KIAA1586: variants seen among roughly 807,000 people sequenced by gnomAD.
KIAA1586 encodes KIAA1586, also known as E3 SUMO-protein ligase KIAA1586.
Under a neutral mutation model 6.1 loss-of-function variants are expected in KIAA1586, and 5 were observed. The observed-to-expected ratio is 0.82, with a 90% CI of 0.43 to 1.73. The LOEUF (loss-of-function observed/expected upper bound fraction) is 1.73, where lower values mean the gene tolerates loss of function less well. KIAA1586 is among the 40% of genes most tolerant of loss of function. The pLI is 0.02. For synonymous variants in KIAA1586, 280 were observed against 301.7 expected (o/e 0.93, Z 0.75); for missense variants, 899 against 878.2 (o/e 1.02, Z -0.30).
chr6:57,055,279 G>A (rs1042613109), downstream of KIAA1586: 2 of 149,002 alleles, frequency 1.3e-5, no homozygotes, highest in Non-Finnish European at 3.0e-5. Context: ...TAGTATGGTA[G>A]CCACTAGCTA....
the KIAA1586 span, among the ~76,000 whole-genome samples, chr6:57,061,824 C>A: frequency 6.6e-6 from 1 of 151,892 alleles, no homozygotes. Flanking sequence ...TAATTACAAT[C>A]TTCGCAATAT....
At chr6:57,056,356 G>T (rs957620965), downstream of KIAA1586, among the ~76,000 whole-genome samples, 27 of 151,912 alleles carry the variant, frequency 1.8e-4, no homozygotes, top group Admixed American at 7.2e-4. Flanking sequence ...ACAGGTGTCT[G>T]CCACCATGCC....
At chr6:57,066,150 ATAC>A in the KIAA1586 span, among the ~76,000 whole-genome samples, 2 of 151,294 alleles carry the variant, frequency 1.3e-5, no homozygotes, top group African/African-American at 2.4e-5. Context: ...ATGGTGGTGC[ATAC>A]CTGTAATCCC....
the KIAA1586 span, among the ~76,000 whole-genome samples, chr6:57,060,981 C>A: frequency 7.2e-6 from 1 of 138,324 alleles, no homozygotes; most frequent in Middle Eastern, 3.6e-3. Flanking sequence ...TATGTTCCGC[C>A]TTTTTTTTTT....
At chr6:57,061,344 A>G in the KIAA1586 span, among the ~76,000 whole-genome samples, 12 of 152,144 alleles carry the variant, frequency 7.9e-5, no homozygotes, top group East Asian at 5.8e-4. Flanking sequence ...TAATTTACCT[A>G]TCTTTCAACA....
chr6:57,054,076 TTGCTTTAA>T lies in KIAA1586; in HGVS notation c.1580_1587del (p.Ala527AspfsTer2). 6.2e-7 allele frequency: 1 copy of T among 1,611,142 alleles called. No homozygotes were observed. The highest frequency in any genetic ancestry group is 8.5e-7 in the Non-Finnish European group (1 of 1,178,708). On this transcript the variant is annotated frameshift_variant, in exon 4 of 4. Coordinates refer to ENST00000370733, the MANE Select transcript of KIAA1586 (RefSeq NM_020931.4). LOFTEE classifies it low-confidence loss of function (END_TRUNC). ...GCTAACATTAATTTCTTACAAGACC[TTGCTTTAA>T]TGATTGACATTCTTGAAGAATTTTC... is the stretch of plus-strand genomic sequence containing the variant.
rs372682459 is a variant in KIAA1586 at position 57,053,739 on chromosome 6, A to G, written c.1240A>G (p.Ile414Val). 4 of 1,610,290 alleles carry G rather than the reference A, an allele frequency of 2.5e-6. No individual in the cohort carries two copies. Among genetic ancestry groups the G allele is most frequent in the Middle Eastern group, 3.3e-4 (2 of 6,064 alleles). ...TKLLENFPEI[I>V]IWNCLNHRLQ... The stretch of plus-strand genomic sequence containing the variant: ...ATTGTTAGAAAATTTTCCTGAAATC[A>G]TCATTTGGAACTGTTTAAATCATCG... The change falls in exon 4 of 4, where the codon ATC becomes GTC. Residue 414 changes from isoleucine (I) to valine (V), a missense_variant. Ile to Val is a conservative substitution (Grantham distance 29, BLOSUM62 3). Coordinates refer to ENST00000370733, the MANE Select transcript of KIAA1586 (RefSeq NM_020931.4).
the KIAA1586 span, among the ~76,000 whole-genome samples, chr6:57,062,490 C>T: frequency 6.6e-6 from 1 of 152,138 alleles, no homozygotes; most frequent in African/African-American, 2.4e-5. Flanking sequence ...GATTTCAGAG[C>T]ATTTCAATTT....
chr6:57,050,702 C>A, intron 2 of KIAA1586, 72 bp from the exon 3 acceptor site: 2 of 1,035,040 alleles, frequency 1.9e-6, no homozygotes, highest in South Asian at 1.4e-5. Context: ...AAAAATCTCC[C>A]ACTGATTGTT....
Position 57,054,211 on chromosome 6 carries a change from C to A in KIAA1586, c.1712C>A (p.Thr571Asn). 1.9e-6 allele frequency: 3 copies of A among 1,593,634 alleles called. No individual in the cohort carries two copies. The highest frequency in any genetic ancestry group is 2.6e-6 in the Non-Finnish European group (3 of 1,173,246). Residue 571 changes from threonine (T) to asparagine (N), a missense_variant, in exon 4 of 4, where the codon ACT becomes AAT. Coordinates refer to ENST00000370733, the MANE Select transcript of KIAA1586 (RefSeq NM_020931.4). The part of the protein sequence containing the change: ...IRALENLKIG[T>N]GKYESQIEDL... ...GCTTTGGAAAATTTAAAAATTGGTA[C>A]TGGAAAGTATGAATCTCAAATTGAA...
chr6:57,054,415 G>A lies in KIAA1586; in HGVS notation c.1916G>A (p.Trp639Ter). The A allele has an allele frequency of 1.2e-6, 2 of 1,609,806 alleles. No individual in the cohort carries two copies. The highest frequency in any genetic ancestry group is 2.2e-5 in the East Asian group (1 of 44,796). Residue 639 changes from tryptophan (W) to a stop codon, truncating the protein, a stop_gained, in exon 4 of 4, where the codon TGG becomes TAG. Coordinates refer to ENST00000370733, the MANE Select transcript of KIAA1586 (RefSeq NM_020931.4). LOFTEE classifies it low-confidence loss of function (END_TRUNC). ...TTTGATTTGCTGGAACCTTCCACAT[G>A]GCCTTATGAAGAAATAACTTCACCA... The part of the protein sequence containing the change: ...NYFDLLEPST[W>*]PYEEITSPWI...
At chr6:57,062,499 T>A in the KIAA1586 span, among the ~76,000 whole-genome samples, 8 of 152,194 alleles carry the variant, frequency 5.3e-5, no homozygotes, top group Admixed American at 5.2e-4. Flanking sequence ...GCATTTCAAT[T>A]TTCTGTGGAG....
chr6:57,058,206 A>C (rs915897597), downstream of KIAA1586, among the ~76,000 whole-genome samples: 1 of 152,220 alleles, frequency 6.6e-6, no homozygotes, highest in Non-Finnish European at 1.5e-5. Flanking sequence ...GTTAAAAAAA[A>C]TTAGATTTCA....
chr6:57,056,629 T>A (rs1828502776), downstream of KIAA1586, among the ~76,000 whole-genome samples: 1 of 151,176 alleles, frequency 6.6e-6, no homozygotes. Context: ...CTCTTCCTCC[T>A]GGGCCCAAGC....
chr6:57,064,726 A>G, the KIAA1586 span, among the ~76,000 whole-genome samples: 6 of 152,202 alleles, frequency 3.9e-5, no homozygotes, highest in African/African-American at 1.2e-4. Flanking sequence ...ATTTATTGTC[A>G]TAGAGACCAC....
chr6:57,055,539 A>G (rs759829512), downstream of KIAA1586, among the ~76,000 whole-genome samples: 81 of 152,118 alleles, frequency 5.3e-4, no homozygotes, highest in Non-Finnish European at 9.0e-4. Flanking sequence ...GATGGATTCA[A>G]TGCAAGTTAT....
At chr6:57,050,386 T>C (rs1206653749) in intron 2 of KIAA1586, among the ~76,000 whole-genome samples, 1 of 151,928 alleles carries the variant, frequency 6.6e-6, no homozygotes, top group Non-Finnish European at 1.5e-5. Context: ...GGCATAATTA[T>C]AGCTCACTGT....
At chr6:57,055,799 T>C (rs959162257), downstream of KIAA1586, among the ~76,000 whole-genome samples, 2 of 152,130 alleles carry the variant, frequency 1.3e-5, no homozygotes, top group Non-Finnish European at 1.5e-5. Context: ...TCAAAGAAGG[T>C]ATGTTGCAGA....
At chr6:57,061,201 C>G in the KIAA1586 span, among the ~76,000 whole-genome samples, 2 of 151,792 alleles carry the variant, frequency 1.3e-5, no homozygotes, top group Non-Finnish European at 2.9e-5. Context: ...TGGTCTCAAT[C>G]TCCTGACCTC....
Sources: gnomAD v4.1 joint callset for allele counts (sites outside exome capture counted in the v4.1 genomes callset) on GRCh38, gnomAD v4.1.1 for gene constraint, MANE v1.5 for transcripts, NCBI Gene and HGNC (gene_info 2026-07-23, HGNC 2026-07-21) for gene names.